STRN4: variants seen among roughly 807,000 people sequenced by gnomAD.
The protein encoded by STRN4 is striatin-4.
A neutral mutation model predicts 77.9 loss-of-function variants in STRN4; 27 were observed. The observed-to-expected ratio is 0.35, with a 90% CI of 0.26 to 0.48. The LOEUF is 0.48. Among genes scored for constraint, STRN4 ranks in the 20% least tolerant of loss-of-function variants. STRN4 has a pLI of 0.99. For synonymous variants in STRN4, 466 were observed against 443.1 expected, an observed-to-expected ratio of 1.05 and a Z score of -0.65; for missense variants, 798 against 1,049.7, an observed-to-expected ratio of 0.76 and a Z score of 3.31.
chr19:46,722,426 C>T (rs2054000386), intron 14 of STRN4, 86 bp from the exon 15 acceptor site: 8 of 1,331,982 alleles, frequency 6.0e-6, no homozygotes, highest in African/African-American at 2.9e-5. Flanking sequence ...CGTGACAGCC[C>T]CTACACCAGC....
intron 15 of STRN4, 45 bp from the exon 16 acceptor site, chr19:46,722,117 C>A: frequency 6.2e-7 from 1 of 1,609,500 alleles, no homozygotes; most frequent in Middle Eastern, 1.7e-4. Flanking sequence ...CCACTCTGGG[C>A]CTCGCCTGAG....
intron 4 of STRN4, among the ~76,000 whole-genome samples, chr19:46,735,632 A>T (rs2054343542): frequency 6.6e-6 from 1 of 152,140 alleles, no homozygotes; most frequent in Non-Finnish European, 1.5e-5. Flanking sequence ...ATATTTTCTA[A>T]GTTTTCTAAA....
chr19:46,730,190 C>T (rs1044283029), intron 6 of STRN4, among the ~76,000 whole-genome samples: 2 of 152,222 alleles, frequency 1.3e-5, no homozygotes, highest in African/African-American at 2.4e-5. Flanking sequence ...TGCAGTGCTG[C>T]GGCTCCGTGC....
In STRN4 at chr19:46,725,356, G is replaced by T; in HGVS notation, c.1448C>A (p.Pro483His). Residue 483 changes from proline (P) to histidine (H), a missense_variant, in exon 11 of 18, where the codon CCT becomes CAT. Pro to His is a moderately conservative substitution (Grantham distance 77). Transcript: ENST00000263280. Reference sequence around the variant, plus strand: ...CCTGTGAGCCCGGAAAGCATGTATAGGTTCCACATCTAGCGCCGCATTCCT... The same window carrying T: ...CCTGTGAGCCCGGAAAGCATGTATATGTTCCACATCTAGCGCCGCATTCCT... ...AKKNAALDVEPIHAFRAHRGP... is the reference protein window; with the variant it reads ...AKKNAALDVEHIHAFRAHRGP... 6.2e-7 allele frequency: 1 copy of T among 1,614,184 alleles called. No individual in the cohort carries two copies. Among genetic ancestry groups the T allele is most frequent in the Non-Finnish European group, 8.5e-7 (1 of 1,180,046 alleles).
chr19:46,721,658 C>A (rs1343048520), intron 16 of STRN4: 1 of 275,078 alleles, frequency 3.6e-6, no homozygotes, highest in African/African-American at 2.2e-5. Context: ...CCACGGGTAC[C>A]CCCAGGTAGA....
Position 46,720,327 on chromosome 19 carries a change from G to C in STRN4, c.*78C>G. The C allele has an allele frequency of 2.9e-6, 1 of 340,944 alleles. No individual in the cohort carries two copies. The highest frequency in any genetic ancestry group is 2.1e-5 in the African/African-American group (1 of 47,446). 21.1% of individuals were successfully genotyped at this position (340,944 alleles called of 1,614,324 possible). A position where few individuals can be genotyped will look rare whatever the true frequency, so the allele number is the denominator to read the frequency against. On this transcript the variant is annotated 3_prime_UTR_variant, in exon 18 of 18. Transcript: ENST00000263280. ...GCCAGGCCTCTGCACCTCCAGCGAG[G>C]CTGGGAGTCCCCTGCGGGAAAGAGA... is the stretch of plus-strand genomic sequence containing the variant.
In STRN4 at chr19:46,725,605, T is replaced by C. The variant is rs1238178787; in HGVS notation, c.1292A>G (p.Lys431Arg). The C allele has an allele frequency of 3.7e-6, 6 of 1,614,166 alleles. No individual in the cohort carries two copies. The highest frequency in any genetic ancestry group is 2.2e-5 in the South Asian group (2 of 91,086). ...KDAFKKTWNP[K>R]FTLRSHYDGI... is the part of the protein sequence containing the mutation. ...GTCGTAGTGCGAGCGCAGGGTGAAC[T>C]TGGGGTTCCACGTCTTCTTAAAAGC... The change falls in exon 10 of 18, where the codon AAG becomes AGG. Residue 431 changes from lysine (K) to arginine (R), a missense_variant. Transcript: ENST00000263280.
intron 1 of STRN4, chr19:46,740,188 C>G (rs1214471097): frequency 6.6e-6 from 1 of 152,236 alleles, no homozygotes; most frequent in African/African-American, 2.4e-5. Context: ...ACTCGGGAGG[C>G]TGAGGCAGGA....
intron 10 of STRN4, 30 bp from the exon 11 acceptor site, chr19:46,725,409 C>T (rs1169099903): frequency 6.2e-7 from 1 of 1,614,070 alleles, no homozygotes; most frequent in Admixed American, 1.7e-5. Flanking sequence ...CCTGATGTCA[C>T]TGAGACCCTG....
rs751050236 is a variant in STRN4 at position 46,727,517 on chromosome 19, C to G, written c.1183G>C (p.Gly395Arg). ...GCCAAGTCCCCCAGGCTCACCTCCC[C>G]GCCCCCGATAGTGTCCATGATGAAG... is the stretch of plus-strand genomic sequence containing the variant. Reference protein sequence around the residue: ...DVFIMDTIGGGEVSLGDLADL... With the variant: ...DVFIMDTIGGREVSLGDLADL... The change falls in exon 9 of 18, where the codon GGG becomes CGG. Residue 395 changes from glycine (G) to arginine (R), a missense_variant. Around this residue, in one of 2 missense-constraint regions of STRN4, gnomAD observed 511 missense variants for 575.9 expected, o/e 0.89. Transcript: ENST00000263280. 4 of 1,613,980 alleles carry G rather than the reference C, an allele frequency of 2.5e-6. No homozygotes were observed. The South Asian group carries it at 4.4e-5, about 18-fold the overall frequency.
At position 46,738,507 on chromosome 19, in the gene STRN4, G is replaced by A. The variant is rs751623567; in HGVS notation, c.387-270C>T. On this transcript the variant is annotated intron_variant, in intron 2 of 17. Coordinates refer to ENST00000263280, the MANE Select transcript of STRN4 (RefSeq NM_013403.3). This position sits in a 1 kb window ranked among gnomAD's most constrained non-coding sequence, Gnocchi z 4.5. ...ATCTGAAACAGGGCTAACAATACCC[G>A]TTAGGCTATTGGAAGGTATAAGGGA... 3.9e-5 allele frequency among the ~76,000 whole-genome samples: 6 copies of A among 152,154 alleles called. No homozygotes were observed. Among genetic ancestry groups the A allele is most frequent in the South Asian group, 2.1e-4 (1 of 4,834 alleles).
At chr19:46,727,800 C>T (rs2054154824) in intron 8 of STRN4, 94 bp downstream of exon 8, 29 of 1,189,038 alleles carry the variant, frequency 2.4e-5, no homozygotes, top group African/African-American at 3.0e-5. Flanking sequence ...GGCTGGGCCT[C>T]GACCCTGAAG....
intron 1 of STRN4, among the ~76,000 whole-genome samples, chr19:46,745,320 G>A (rs1053607250): frequency 1.3e-5 from 2 of 152,036 alleles, no homozygotes; most frequent in Non-Finnish European, 2.9e-5. Context: ...GGCTCCTAGG[G>A]TACATTCCCT....
chr19:46,729,950 GGGC>G (rs2122287566), intron 6 of STRN4, among the ~76,000 whole-genome samples: 1 of 152,324 alleles, frequency 6.6e-6, no homozygotes, highest in South Asian at 2.1e-4. Flanking sequence ...GTTCCCAGCT[GGGC>G]CTCGATGGAG....
intron 9 of STRN4, 36 bp from the exon 10 acceptor site, chr19:46,725,684 T>C (rs1174818044): frequency 6.2e-7 from 1 of 1,605,210 alleles, no homozygotes; most frequent in African/African-American, 1.3e-5. Context: ...TGTCTTCGCA[T>C]CCATCCCAGC....
At chr19:46,734,993 A>C (rs902224769) in intron 4 of STRN4, among the ~76,000 whole-genome samples, 2 of 152,124 alleles carry the variant, frequency 1.3e-5, no homozygotes, top group Non-Finnish European at 2.9e-5. Context: ...CAGTGAAAAC[A>C]AATCCCAGCT....
intron 7 of STRN4, 134 bp from the exon 8 acceptor site, chr19:46,728,141 G>A (rs923289799): frequency 1.3e-5 from 11 of 848,226 alleles, no homozygotes; most frequent in East Asian, 5.3e-5. Context: ...GGGAGGGGGG[G>A]AATGGGCAGA....
chr19:46,736,783 G>A (rs1484469554), intron 4 of STRN4, 40 bp downstream of exon 4: 3 of 1,596,750 alleles, frequency 1.9e-6, no homozygotes, highest in South Asian at 1.1e-5. Flanking sequence ...CAAGCCAAAC[G>A]TGTCACGTGT....
At chr19:46,743,055 T>A (rs146468453) in intron 1 of STRN4, among the ~76,000 whole-genome samples, 71 of 152,254 alleles carry the variant, frequency 4.7e-4, no homozygotes, top group African/African-American at 1.6e-3. Context: ...TATGCAGCTA[T>A]CAAAAAGAAA....
Sources: gnomAD v4.1 joint callset for allele counts (sites outside exome capture counted in the v4.1 genomes callset) on GRCh38, gnomAD v4.1.1 for gene constraint, gnomAD v4.1.1 regional missense constraint, Gnocchi (gnomAD v3.1) non-coding constraint, MANE v1.5 for transcripts, NCBI Gene and HGNC (gene_info 2026-07-23, HGNC 2026-07-21) for gene names.